The following TNPO3 variants were observed in gnomAD, a reference collection of about 807,000 sequenced individuals.
TNPO3 encodes transportin 3.
A neutral mutation model predicts 122.8 loss-of-function variants in TNPO3; 65 were observed. The observed-to-expected ratio is 0.53, with a 90% CI of 0.43 to 0.65. The LOEUF is 0.65. TNPO3 is among the 30% of genes least tolerant of loss of function. TNPO3 has a pLI of 0.00. For missense variants in TNPO3, 850 were observed against 1,136.7 expected, an observed-to-expected ratio of 0.75 and a Z score of 3.63; for synonymous variants, 372 against 411.2, an observed-to-expected ratio of 0.90 and a Z score of 1.15.
chr7:128,971,611 G>A (rs149030672), intron 19 of TNPO3, among the ~76,000 whole-genome samples: 149 of 152,254 alleles, frequency 9.8e-4, no homozygotes, highest in Admixed American at 4.6e-3. Context: ...GCTCTCCCCT[G>A]TCTACAATTC....
intron 21 of TNPO3, among the ~76,000 whole-genome samples, chr7:128,959,220 T>C (rs193275040): frequency 3.3e-5 from 5 of 152,282 alleles, no homozygotes; most frequent in African/African-American, 1.2e-4. Context: ...CCAAGAGAAG[T>C]TGCTATGTGG....
chr7:129,040,755 T>C (rs1051485795), intron 1 of TNPO3, among the ~76,000 whole-genome samples: 1 of 152,162 alleles, frequency 6.6e-6, no homozygotes, highest in African/African-American at 2.4e-5. Context: ...AGAAAAATCA[T>C]TGACTTACTC....
At chr7:128,963,190 G>A (rs1246711988) in intron 21 of TNPO3, among the ~76,000 whole-genome samples, 1 of 152,162 alleles carries the variant, frequency 6.6e-6, no homozygotes, top group Non-Finnish European at 1.5e-5. Context: ...GAGACTGGTA[G>A]TACTAACCCT....
rs1443424713 is a variant in TNPO3, at chr7:129,015,147, A to G, written c.396-12T>C. 6.2e-7 allele frequency: 1 copy of G among 1,605,424 alleles called. No homozygotes were observed. Among genetic ancestry groups the G allele is most frequent in the Non-Finnish European group, 8.5e-7 (1 of 1,178,188 alleles). On this transcript the variant is annotated splice_polypyrimidine_tract_variant and intron_variant, in intron 3 of 22. Transcript: ENST00000265388. The stretch of plus-strand genomic sequence containing the variant: ...CATCATTGCTGTATCTGCAAAAGAA[A>G]AAAGTGGAGATATGTTATTTATAGC...
chr7:129,022,339 C>T lies in TNPO3; in HGVS notation c.121-4182G>A, dbSNP rs567417856. ...TTTTGAGGTTATAGTGCACTATGAT[C>T]CTGCCACTAATTTTTTTAATTAAAA... On this transcript the variant is annotated intron_variant, in intron 1 of 22. Coordinates refer to ENST00000265388, the MANE Select transcript of TNPO3 (RefSeq NM_012470.4). 2.6e-5 allele frequency among the ~76,000 whole-genome samples: 4 copies of T among 151,866 alleles called. No individual in the cohort carries two copies. In the South Asian group the frequency reaches 8.3e-4, roughly 32 times the overall value.
chr7:128,990,017 C>G lies in TNPO3; in HGVS notation c.1442G>C (p.Ser481Thr), dbSNP rs749006197. 5.6e-6 allele frequency: 9 copies of G among 1,614,208 alleles called. No homozygotes were observed. In the South Asian group the frequency reaches 9.9e-5, roughly 18 times the overall value. The change falls in exon 11 of 23, where the codon AGC becomes ACC. Residue 481 changes from serine to threonine, a missense_variant. Physicochemically the swap from Ser to Thr is moderately conservative, Grantham distance 58. Transcript: ENST00000265388. ...ACTCATCTCTCCAACCAATTCAATGCTGGTGTATCGCACAGCCGTATGTAC... is the reference window on the plus strand; with the variant it reads ...ACTCATCTCTCCAACCAATTCAATGGTGGTGTATCGCACAGCCGTATGTAC... The part of the protein sequence containing the change: ...ETVHTAVRYT[S>T]IELVGEMSEV...
intron 8 of TNPO3, among the ~76,000 whole-genome samples, chr7:128,996,300 G>C (rs1801309042): frequency 6.6e-6 from 1 of 152,036 alleles, no homozygotes; most frequent in Non-Finnish European, 1.5e-5. Context: ...TTTTTTCTAA[G>C]CAAATAGATT....
At chr7:128,956,574 G>C (rs1277939915) in intron 22 of TNPO3, among the ~76,000 whole-genome samples, 1 of 152,220 alleles carries the variant, frequency 6.6e-6, no homozygotes, top group Non-Finnish European at 1.5e-5. Context: ...GAGCATTGGA[G>C]CATTTTGGAT....
chr7:128,982,851 G>GGTAT (rs1799765759), intron 13 of TNPO3, among the ~76,000 whole-genome samples: 2 of 152,156 alleles, frequency 1.3e-5, no homozygotes, highest in African/African-American at 2.4e-5. Flanking sequence ...AAATCCCATT[G>GGTAT]GTATGTCTAA....
chr7:129,015,984 T>C (rs1015454811), intron 3 of TNPO3, among the ~76,000 whole-genome samples: 2 of 151,862 alleles, frequency 1.3e-5, no homozygotes, highest in Non-Finnish European at 2.9e-5. Flanking sequence ...GAGGCTGAGG[T>C]GGGAGGATCA....
intron 22 of TNPO3, among the ~76,000 whole-genome samples, chr7:128,956,709 G>A (rs1177081780): frequency 6.6e-6 from 1 of 152,106 alleles, no homozygotes; most frequent in Non-Finnish European, 1.5e-5. Flanking sequence ...CAAGCATTTC[G>A]GATAAGGGAT....
intron 13 of TNPO3, among the ~76,000 whole-genome samples, chr7:128,983,485 G>A (rs1020334799): frequency 3.3e-5 from 5 of 152,140 alleles, no homozygotes; most frequent in African/African-American, 7.2e-5. Flanking sequence ...TTACTGGCAT[G>A]AGCCACGACA....
intron 1 of TNPO3, among the ~76,000 whole-genome samples, chr7:129,033,766 A>T (rs1806227814): frequency 6.6e-6 from 1 of 152,100 alleles, no homozygotes; most frequent in Admixed American, 6.6e-5. Flanking sequence ...TACAAAAATT[A>T]GCCGGACATG....
chr7:128,973,804 GA>G (rs34207082), intron 18 of TNPO3, among the ~76,000 whole-genome samples: 28,404 of 50,004 alleles, frequency 0.57, 7,140 homozygotes, highest in African/African-American at 0.63. Context: ...TCTATCAACT[GA>G]AAAAAAAAAA....
At chr7:128,994,978 T>C (rs1801156198) in intron 8 of TNPO3, among the ~76,000 whole-genome samples, 1 of 152,162 alleles carries the variant, frequency 6.6e-6, no homozygotes, top group Non-Finnish European at 1.5e-5. Context: ...TTAAAATTTT[T>C]TTATAGAGGT....
In TNPO3 at chr7:129,000,689, A is replaced by G. The variant is rs1038425746; in HGVS notation, c.873-122T>C. The G allele has an allele frequency of 3.5e-5, 34 of 977,342 alleles. No homozygotes were observed. In the African/African-American group the frequency reaches 4.9e-4, roughly 14 times the overall value. The allele number at this position is 977,342 out of a possible 1,614,324, so 60.5% of individuals were successfully genotyped here. A position where few individuals can be genotyped will look rare whatever the true frequency, so the allele number is the denominator to read the frequency against. ...TCTAAGGGACATCTAGTGATTATTTACTATGCTGTATCACAATCCCCATGA... is the reference window on the plus strand; with the variant it reads ...TCTAAGGGACATCTAGTGATTATTTGCTATGCTGTATCACAATCCCCATGA... On this transcript the variant is annotated intron_variant, in intron 6 of 22. Coordinates refer to ENST00000265388, the MANE Select transcript of TNPO3 (RefSeq NM_012470.4).
intron 10 of TNPO3, 33 bp from the exon 11 acceptor site, chr7:128,990,133 G>C (rs1278474574): frequency 6.8e-6 from 11 of 1,613,892 alleles, no homozygotes; most frequent in Non-Finnish European, 8.5e-6. Context: ...CACAGTTACT[G>C]ATTTCAGAGG....
chr7:128,966,408 ACT>A (rs960365460), intron 21 of TNPO3, among the ~76,000 whole-genome samples: 47 of 152,162 alleles, frequency 3.1e-4, no homozygotes, highest in Non-Finnish European at 5.9e-5. Context: ...AACTCTAAAG[ACT>A]CTAGATACAA....
At chr7:129,032,343 A>G (rs1355207760) in intron 1 of TNPO3, among the ~76,000 whole-genome samples, 3 of 152,252 alleles carry the variant, frequency 2.0e-5, no homozygotes, top group Non-Finnish European at 4.4e-5. Context: ...ATAGTGTTCG[A>G]AGTTCTAGCC....
Sources: allele counts gnomAD v4.1 joint callset (sites outside exome capture counted in the v4.1 genomes callset), GRCh38; gene constraint gnomAD v4.1.1; transcripts MANE v1.5; gene names NCBI Gene and HGNC (gene_info 2026-07-23, HGNC 2026-07-21).